The following ME1 variants were observed in gnomAD, a reference collection of about 807,000 sequenced individuals.
ME1 encodes the protein malic enzyme 1.
ME1 carries 74 observed loss-of-function variants against 66.4 expected under a neutral mutation model. The observed-to-expected ratio is 1.11, with a 90% confidence interval of 0.92 to 1.35. The LOEUF is 1.35. ME1 is among the 40% of genes most tolerant of loss of function. The pLI is 0.00. For synonymous variants in ME1, 251 were observed against 235.6 expected (o/e 1.07, Z -0.60); for missense variants, 750 against 694.1 (o/e 1.08, Z -0.90).
At chr6:83,334,115 T>C (rs936931517) in intron 5 of ME1, among the ~76,000 whole-genome samples, 1 of 152,064 alleles carries the variant, frequency 6.6e-6, no homozygotes, top group Non-Finnish European at 1.5e-5. Context: ...GCGTGCACCG[T>C]GCGCGAGCCG....
intron 5 of ME1, among the ~76,000 whole-genome samples, chr6:83,318,009 C>T (rs1379072500): frequency 1.3e-5 from 2 of 152,256 alleles, no homozygotes; most frequent in East Asian, 3.9e-4. Flanking sequence ...ATATCTACAA[C>T]TATCTGATCT....
chr6:83,407,373 A>G (rs1769966582), intron 2 of ME1, among the ~76,000 whole-genome samples: 1 of 152,248 alleles, frequency 6.6e-6, no homozygotes, highest in Non-Finnish European at 1.5e-5. Context: ...TACACTATCC[A>G]AAGTAAGTGA....
chr6:83,250,719 G>A (rs1790708579), intron 7 of ME1, among the ~76,000 whole-genome samples: 2 of 152,210 alleles, frequency 1.3e-5, no homozygotes, highest in South Asian at 4.1e-4. Flanking sequence ...TCTCTAGACT[G>A]AAGACAGTGT....
intron 6 of ME1, among the ~76,000 whole-genome samples, chr6:83,304,610 C>A (rs1251026121): frequency 6.6e-6 from 1 of 152,116 alleles, no homozygotes; most frequent in Non-Finnish European, 1.5e-5. Context: ...AAGTGGGTCA[C>A]CATCTGTGGA....
chr6:83,354,596 A>G (rs534991834), intron 3 of ME1, among the ~76,000 whole-genome samples: 1 of 152,292 alleles, frequency 6.6e-6, no homozygotes, highest in East Asian at 1.9e-4. Flanking sequence ...GCCTTCTCTG[A>G]TAACAGTAGT....
At chr6:83,307,964 T>C (rs1267174464) in intron 6 of ME1, among the ~76,000 whole-genome samples, 1 of 152,176 alleles carries the variant, frequency 6.6e-6, no homozygotes, top group Non-Finnish European at 1.5e-5. Context: ...CAAGGACTAT[T>C]ACCAACTTGA....
chr6:83,297,563 C>A (rs1294163444), intron 6 of ME1, among the ~76,000 whole-genome samples: 1 of 151,514 alleles, frequency 6.6e-6, no homozygotes, highest in Non-Finnish European at 1.5e-5. Flanking sequence ...AGGCTGAGCA[C>A]TTACGACCAT....
chr6:83,406,977 C>CAA (rs1192183398), intron 2 of ME1, among the ~76,000 whole-genome samples: 1 of 150,900 alleles, frequency 6.6e-6, no homozygotes, highest in African/African-American at 2.4e-5. Context: ...TTCATACACA[C>CAA]ACACACACAC....
At chr6:83,319,321 AAAAT>A (rs1351715261) in intron 5 of ME1, among the ~76,000 whole-genome samples, 1 of 151,400 alleles carries the variant, frequency 6.6e-6, no homozygotes, top group African/African-American at 2.4e-5. Flanking sequence ...AAAATAAAAT[AAAAT>A]AAAAATAAAA....
intron 11 of ME1, among the ~76,000 whole-genome samples, chr6:83,226,841 C>G (rs891324035): frequency 6.6e-6 from 1 of 152,078 alleles, no homozygotes; most frequent in Non-Finnish European, 1.5e-5. Flanking sequence ...TAAAATAAAT[C>G]ATAGTAAAAT....
chr6:83,259,199 G>T (rs1033724401), intron 6 of ME1, among the ~76,000 whole-genome samples: 2 of 152,108 alleles, frequency 1.3e-5, no homozygotes, highest in Admixed American at 6.6e-5. Flanking sequence ...GTACCTTAGG[G>T]ATAACTTATT....
chr6:83,321,246 A>C (rs909718490), intron 5 of ME1, among the ~76,000 whole-genome samples: 13 of 152,180 alleles, frequency 8.5e-5, no homozygotes, highest in South Asian at 2.1e-4. Context: ...GCAGACACCA[A>C]GCTAGCTGCA....
intron 6 of ME1, among the ~76,000 whole-genome samples, chr6:83,263,849 A>G (rs1766942701): frequency 6.6e-6 from 1 of 151,416 alleles, no homozygotes; most frequent in East Asian, 1.9e-4. Context: ...ATAACCTGCA[A>G]GGTGAAGCAG....
intron 5 of ME1, among the ~76,000 whole-genome samples, chr6:83,344,427 CA>C (rs1562485992): frequency 6.6e-6 from 1 of 151,490 alleles, no homozygotes. Context: ...TCAATGTAAA[CA>C]AAAAAGTAGC....
intron 1 of ME1, among the ~76,000 whole-genome samples, chr6:83,409,193 T>G (rs1433652929): frequency 6.6e-6 from 1 of 152,138 alleles, no homozygotes; most frequent in East Asian, 1.9e-4. Context: ...AGAAATAAAT[T>G]TATTTTGCTT....
At chr6:83,250,704 C>G in intron 7 of ME1, among the ~76,000 whole-genome samples, 1 of 152,220 alleles carries the variant, frequency 6.6e-6, no homozygotes, top group East Asian at 1.9e-4. Flanking sequence ...CCAATTCAAT[C>G]CTGTTCTCTA....
intron 6 of ME1, among the ~76,000 whole-genome samples, chr6:83,294,386 C>T (rs959125451): frequency 6.6e-6 from 1 of 152,162 alleles, no homozygotes; most frequent in Non-Finnish European, 1.5e-5. Flanking sequence ...CATTCAGCAA[C>T]CAGTTGTTGA....
intron 5 of ME1, among the ~76,000 whole-genome samples, chr6:83,342,502 C>T (rs114114835): frequency 8.7e-4 from 133 of 152,292 alleles, no homozygotes; most frequent in African/African-American, 3.1e-3. Flanking sequence ...TAGTTTCTTA[C>T]ACCGATATTA....
rs544460054 is a variant in ME1 at position 83,274,818 on chromosome 6, G to A, written c.705-21080C>T. 7.2e-5 allele frequency among the ~76,000 whole-genome samples: 11 copies of A among 152,266 alleles called. No homozygotes were observed. The South Asian group carries it at 1.9e-3, about 26-fold the overall frequency. Reference sequence around the variant, plus strand: ...CACATCACGATCAGTGACAAATCACGTCACTTCTTTTCTGCTAGTCGGCTC... The same window carrying A: ...CACATCACGATCAGTGACAAATCACATCACTTCTTTTCTGCTAGTCGGCTC... On this transcript the variant is annotated intron_variant, in intron 6 of 13. Coordinates refer to ENST00000369705, the MANE Select transcript of ME1 (RefSeq NM_002395.6).
Sources: gnomAD v4.1 joint callset for allele counts (sites outside exome capture counted in the v4.1 genomes callset) on GRCh38, gnomAD v4.1.1 for gene constraint, MANE v1.5 for transcripts, NCBI Gene and HGNC (gene_info 2026-07-23, HGNC 2026-07-21) for gene names.